MAP6: variants seen among roughly 807,000 people sequenced by gnomAD.
The protein encoded by MAP6 is microtubule-associated protein 6.
Under a neutral mutation model 42.4 loss-of-function variants are expected in MAP6, and 26 were observed. The ratio of observed to expected loss-of-function variants is 0.61; its 90% CI spans 0.45 to 0.85. The LOEUF is 0.85. MAP6 is among the 40% of genes least tolerant of loss of function. MAP6 has a pLI of 0.00. For missense variants in MAP6, 966 were observed against 1,099.0 expected (o/e 0.88, Z 1.71); for synonymous variants, 418 against 443.8 (o/e 0.94, Z 0.73).
chr11:75,619,307 C>T (rs76830978), intron 1 of MAP6, among the ~76,000 whole-genome samples: 2,875 of 152,288 alleles, frequency 0.019, 194 homozygotes, highest in Admixed American at 0.13. Context: ...ATATCAGGTA[C>T]AGAAATTGAA....
At chr11:75,661,386 T>C (rs549388223) in intron 1 of MAP6, among the ~76,000 whole-genome samples, 19 of 152,084 alleles carry the variant, frequency 1.2e-4, no homozygotes, top group African/African-American at 4.6e-4. Context: ...ATAAGACTAA[T>C]ATAAAAAAGG....
chr11:75,599,666 CAG>C (rs1190310823), intron 3 of MAP6, among the ~76,000 whole-genome samples: 1 of 152,176 alleles, frequency 6.6e-6, no homozygotes, highest in Non-Finnish European at 1.5e-5. Context: ...ATGGCCCAGC[CAG>C]AGTGTGGCAC....
At chr11:75,613,448 C>T (rs1052031444) in intron 1 of MAP6, among the ~76,000 whole-genome samples, 2 of 152,186 alleles carry the variant, frequency 1.3e-5, no homozygotes, top group African/African-American at 2.4e-5. Context: ...CAGTGAGGCC[C>T]GGGGCACATT....
At chr11:75,624,331 C>T (rs1031958571) in intron 1 of MAP6, among the ~76,000 whole-genome samples, 4 of 152,152 alleles carry the variant, frequency 2.6e-5, no homozygotes, top group African/African-American at 9.7e-5. Flanking sequence ...GTGGCCAGCA[C>T]CTCAGAGGCC....
chr11:75,655,434 C>A (rs1408493824), intron 1 of MAP6, among the ~76,000 whole-genome samples: 1 of 152,118 alleles, frequency 6.6e-6, no homozygotes, highest in Non-Finnish European at 1.5e-5. Flanking sequence ...CTGCTGAGGT[C>A]CATATGATTT....
chr11:75,637,107 A>C (rs1236633319), intron 1 of MAP6, among the ~76,000 whole-genome samples: 1 of 152,194 alleles, frequency 6.6e-6, no homozygotes, highest in African/African-American at 2.4e-5. Context: ...AGATGTTCCA[A>C]AACTATTTGT....
intron 1 of MAP6, among the ~76,000 whole-genome samples, chr11:75,660,895 A>G (rs1347019508): frequency 1.3e-5 from 2 of 152,154 alleles, no homozygotes; most frequent in East Asian, 3.8e-4. Context: ...CTGAAAAAAG[A>G]GATGCTCAAC....
At chr11:75,632,716 A>C (rs1482472025) in intron 1 of MAP6, among the ~76,000 whole-genome samples, 1 of 152,214 alleles carries the variant, frequency 6.6e-6, no homozygotes, top group East Asian at 1.9e-4. Context: ...GATTAGAACT[A>C]ACCACTATTG....
At chr11:75,593,046 A>C (rs1942508507) in intron 3 of MAP6, among the ~76,000 whole-genome samples, 1 of 152,176 alleles carries the variant, frequency 6.6e-6, no homozygotes, top group Non-Finnish European at 1.5e-5. Flanking sequence ...CCCTGACCCC[A>C]CAGTCATGGC....
At chr11:75,648,247 A>G (rs1367768060) in intron 1 of MAP6, among the ~76,000 whole-genome samples, 1 of 152,260 alleles carries the variant, frequency 6.6e-6, no homozygotes, top group Non-Finnish European at 1.5e-5. Flanking sequence ...TAATCCCAAC[A>G]CTTTGGGAGG....
chr11:75,612,409 G>C (rs1942913922), intron 1 of MAP6, among the ~76,000 whole-genome samples: 1 of 152,166 alleles, frequency 6.6e-6, no homozygotes, highest in Non-Finnish European at 1.5e-5. Flanking sequence ...GAATCAAATG[G>C]GACAGGGATC....
At position 75,637,977 on chromosome 11, in the gene MAP6, G is replaced by A. The variant is rs1943399506; in HGVS notation, c.905+29488C>T. 2.0e-5 allele frequency among the ~76,000 whole-genome samples: 3 copies of A among 152,178 alleles called. No individual in the cohort carries two copies. The South Asian group carries it at 6.2e-4, about 31-fold the overall frequency. On this transcript the variant is annotated intron_variant, in intron 1 of 3. Transcript: ENST00000304771. Reference sequence around the variant, plus strand: ...TTCACTGTAATGTTTTGAATTAACAGGGGTGAAAAACTGAAAACAAGTGAA... The same window carrying A: ...TTCACTGTAATGTTTTGAATTAACAAGGGTGAAAAACTGAAAACAAGTGAA...
At chr11:75,603,582 C>CAAGAG (rs1236518263) in intron 3 of MAP6, 123 of 956,464 alleles carry the variant, frequency 1.3e-4, no homozygotes, top group Non-Finnish European at 1.5e-4. Flanking sequence ...AAGTTGGTCC[C>CAAGAG]TGGGGCAGTG....
At chr11:75,656,134 G>A (rs1447966777) in intron 1 of MAP6, among the ~76,000 whole-genome samples, 1 of 152,190 alleles carries the variant, frequency 6.6e-6, no homozygotes, top group African/African-American at 2.4e-5. Flanking sequence ...AGGGCTAGGA[G>A]GCTTGCAAAA....
At chr11:75,636,975 G>A (rs1943380452) in intron 1 of MAP6, among the ~76,000 whole-genome samples, 1 of 152,174 alleles carries the variant, frequency 6.6e-6, no homozygotes, top group African/African-American at 2.4e-5. Context: ...CGGTGTATGA[G>A]TAATAATGAA....
intron 1 of MAP6, among the ~76,000 whole-genome samples, chr11:75,642,024 C>T (rs1943478666): frequency 6.6e-6 from 1 of 152,194 alleles, no homozygotes; most frequent in Admixed American, 6.5e-5. Flanking sequence ...TATAAATATA[C>T]AATTAAATAA....
At chr11:75,617,834 G>T (rs968965138) in intron 1 of MAP6, among the ~76,000 whole-genome samples, 1 of 152,162 alleles carries the variant, frequency 6.6e-6, no homozygotes, top group East Asian at 1.9e-4. Context: ...TGGGGTGGTT[G>T]TGCCACAAGG....
intron 1 of MAP6, among the ~76,000 whole-genome samples, chr11:75,647,636 G>C (rs889200728): frequency 2.6e-5 from 4 of 152,104 alleles, no homozygotes; most frequent in African/African-American, 9.7e-5. Flanking sequence ...CCAAGGAAAA[G>C]AGACCTTTTT....
chr11:75,616,737 G>A (rs1213848066), intron 1 of MAP6, among the ~76,000 whole-genome samples: 1 of 152,238 alleles, frequency 6.6e-6, no homozygotes, highest in African/African-American at 2.4e-5. Flanking sequence ...ATCTATGTAT[G>A]TGTACATGCT....
Sources: gnomAD v4.1 joint callset for allele counts (sites outside exome capture counted in the v4.1 genomes callset) on GRCh38, gnomAD v4.1.1 for gene constraint, MANE v1.5 for transcripts, NCBI Gene and HGNC (gene_info 2026-07-23, HGNC 2026-07-21) for gene names.